Variants in ZFP42 observed in about 807,000 individuals in gnomAD.
ZFP42 encodes the protein zinc finger protein 42 homolog.
For synonymous variants in ZFP42, 175 were observed against 144.6 expected, an observed-to-expected ratio of 1.21 and a Z score of -1.51; for missense variants, 438 against 377.1, an observed-to-expected ratio of 1.16 and a Z score of -1.34.
At chr4:187,999,340 G>C (rs1041257341) in intron 2 of ZFP42, 67 bp downstream of exon 2, 3 of 151,840 alleles carry the variant, frequency 2.0e-5, no homozygotes, top group Non-Finnish European at 2.9e-5. Context: ...CCGTTTTGCC[G>C]AGGCTGGTCA....
chr4:188,000,853 G>C (rs975711525), intron 3 of ZFP42, among the ~76,000 whole-genome samples: 1 of 148,486 alleles, frequency 6.7e-6, no homozygotes, highest in Admixed American at 6.7e-5. Flanking sequence ...GTGTGGTGGC[G>C]GGGCGGGGGG....
Position 188,002,713 on chromosome 4 carries a change from G to A in ZFP42, c.-95G>A. 1.0e-6 allele frequency: 1 copy of A among 974,800 alleles called. No homozygotes were observed. Among genetic ancestry groups the A allele is most frequent in the Non-Finnish European group, 1.6e-6 (1 of 638,212 alleles). 60.4% of individuals were successfully genotyped at this position (974,800 alleles called of 1,614,324 possible). A position where few individuals can be genotyped will look rare whatever the true frequency, so the allele number is the denominator to read the frequency against. On this transcript the variant is annotated splice_region_variant and 5_prime_UTR_variant, in exon 4 of 4. In the 5' UTR this introduces an upstream ATG that the reference lacks. Coordinates refer to ENST00000326866, the MANE Select transcript of ZFP42 (RefSeq NM_174900.5). ...ACTAAAGGTTATTATCATAAAGCAG[G>A]TGTTTGCTGAAGACAGCTTACTCAG...
chr4:187,997,238 T>TTTTTC, intron 1 of ZFP42, among the ~76,000 whole-genome samples: 1 of 125,324 alleles, frequency 8.0e-6, no homozygotes, highest in South Asian at 3.0e-4. Flanking sequence ...CTTTTTTTTT[T>TTTTTC]TTTTTTTTTT....
At chr4:187,998,005 C>T (rs1040849256) in intron 1 of ZFP42, among the ~76,000 whole-genome samples, 18 of 152,126 alleles carry the variant, frequency 1.2e-4, no homozygotes, top group Non-Finnish European at 5.9e-5. Flanking sequence ...AGTGTTATTA[C>T]AAAAGAGTCA....
intron 3 of ZFP42, among the ~76,000 whole-genome samples, chr4:188,001,412 A>T (rs183479582): frequency 3.3e-4 from 50 of 152,294 alleles, no homozygotes; most frequent in African/African-American, 8.7e-4. Context: ...AAATGATAGG[A>T]AAGTCTTCAG....
intron 3 of ZFP42, 82 bp from the exon 4 acceptor site, chr4:188,002,631 G>A (rs954152115): frequency 4.9e-6 from 3 of 613,170 alleles, no homozygotes; most frequent in African/African-American, 3.7e-5. Context: ...ATGTATTATT[G>A]GAAAATGTGT....
intron 3 of ZFP42, among the ~76,000 whole-genome samples, chr4:188,002,222 C>T (rs988074435): frequency 1.3e-5 from 2 of 152,162 alleles, no homozygotes; most frequent in African/African-American, 2.4e-5. Context: ...GCTCCCTCAC[C>T]GCCTTCAGGC....
At position 187,998,328 on chromosome 4, in the gene ZFP42, C is replaced by G. The variant is rs1014265516; in HGVS notation, c.-338-780C>G. 6.1e-5 allele frequency among the ~76,000 whole-genome samples: 9 copies of G among 147,886 alleles called. No individual in the cohort carries two copies. The Admixed American group carries it at 6.2e-4, about 10-fold the overall frequency. ...TCCAGCCTGGGCAACAAGAGGGAAA[C>G]TCTGTCTCAAAAAAAAAAGTAAATA... is the stretch of plus-strand genomic sequence containing the variant. On this transcript the variant is annotated intron_variant, in intron 1 of 3. Transcript: ENST00000326866.
At chr4:188,000,720 G>A (rs1013178533) in intron 3 of ZFP42, among the ~76,000 whole-genome samples, 1 of 152,160 alleles carries the variant, frequency 6.6e-6, no homozygotes, top group African/African-American at 2.4e-5. Context: ...AGTGGCTCAC[G>A]CCTGTAATCC....
chr4:188,000,070 T>C (rs1464119729), intron 3 of ZFP42, among the ~76,000 whole-genome samples: 6 of 152,210 alleles, frequency 3.9e-5, no homozygotes, highest in Non-Finnish European at 7.3e-5. Context: ...AGAAGTATTA[T>C]GGACATCAGA....
In ZFP42 at chr4:187,997,000, A is replaced by G. The variant is rs367712258; in HGVS notation, c.-339+1160A>G. ...GCCATAGCTGTAGGGAGCATGGAGC[A>G]TGGAGCGTGGAGCGTGGAGCATGGA... On this transcript the variant is annotated intron_variant, in intron 1 of 3. Coordinates refer to ENST00000326866, the MANE Select transcript of ZFP42 (RefSeq NM_174900.5). Among the ~76,000 whole-genome samples the G allele has an allele frequency of 6.9e-3, 608 of 88,238 alleles. 15 individuals carry two copies. The highest frequency in any genetic ancestry group is 0.014 in the African/African-American group (394 of 27,936). The allele number at this position is 88,238 out of a possible 152,430, so 57.9% of individuals were successfully genotyped here. A position where few individuals can be genotyped will look rare whatever the true frequency, so the allele number is the denominator to read the frequency against.
chr4:188,002,658 A>G (rs1733874008), intron 3 of ZFP42, 55 bp from the exon 4 acceptor site: 1 of 672,690 alleles, frequency 1.5e-6, no homozygotes, highest in African/African-American at 1.8e-5. Context: ...TCATTTTTTG[A>G]CAGTGGCTCT....
Position 188,004,988 on chromosome 4 carries a change from AAT to A in ZFP42, c.*1249_*1250del, listed in dbSNP as rs1430152415. The A allele has an allele frequency of 6.0e-6, 1 of 167,104 alleles. No homozygotes were observed. Among genetic ancestry groups the A allele is most frequent in the Admixed American group, 6.5e-5 (1 of 15,282 alleles). 10.4% of individuals were successfully genotyped at this position (167,104 alleles called of 1,614,324 possible). On this transcript the variant is annotated 3_prime_UTR_variant, in exon 4 of 4. Coordinates refer to ENST00000326866, the MANE Select transcript of ZFP42 (RefSeq NM_174900.5). ...ATATGGTTAGATGTGATTATTTGAT[AAT>A]GTTAGTCCATTTGAATCCATTTTAG...
Position 187,999,179 on chromosome 4 carries a change from C to CA in ZFP42, c.-266dup, listed in dbSNP as rs1410673757. The CA allele has an allele frequency of 1.3e-5, 2 of 152,342 alleles. No homozygotes were observed. Among genetic ancestry groups the CA allele is most frequent in the African/African-American group, 4.8e-5 (2 of 41,438 alleles). 9.4% of individuals were successfully genotyped at this position (152,342 alleles called of 1,614,324 possible). On this transcript the variant is annotated 5_prime_UTR_variant, in exon 2 of 4. Coordinates refer to ENST00000326866, the MANE Select transcript of ZFP42 (RefSeq NM_174900.5). ...CCAGGCTCCAGCGATCCTCCCACCT[C>CA]AGCCTCCTGAATAGCTGACCACCAG... is the stretch of plus-strand genomic sequence containing the variant.
chr4:188,003,062 C>A lies in ZFP42; in HGVS notation c.255C>A (p.Ile85=). The change falls in exon 4 of 4, where the codon ATC becomes ATA. Residue 85 remains isoleucine (I), a synonymous_variant. Transcript: ENST00000326866. ...TAAGGGGTGAGTTTTCTCAACCCAT[C>A]CTGGAAGAGGACTCACTTTTTGAGT... The part of the protein sequence containing the change: ...CVIRGEFSQP[I]LEEDSLFESL... 1.1e-5 allele frequency: 18 copies of A among 1,614,104 alleles called. No homozygotes were observed. Among genetic ancestry groups the A allele is most frequent in the Non-Finnish European group, 1.4e-5 (17 of 1,180,024 alleles).
At chr4:187,998,435 T>C (rs759177539) in intron 1 of ZFP42, among the ~76,000 whole-genome samples, 2 of 152,168 alleles carry the variant, frequency 1.3e-5, no homozygotes, top group African/African-American at 2.4e-5. Flanking sequence ...AGTTCTAAAA[T>C]TTGCCTAAGT....
chr4:188,001,331 C>G (rs1045114354), intron 3 of ZFP42, among the ~76,000 whole-genome samples: 2 of 152,024 alleles, frequency 1.3e-5, no homozygotes, highest in African/African-American at 2.4e-5. Flanking sequence ...AAGTAAGAGA[C>G]TTTTATAGTC....
At position 187,996,993 on chromosome 4, in the gene ZFP42, A is replaced by ATGGAGCG. The variant is rs759475900; in HGVS notation, c.-339+1159_-339+1160insGTGGAGC. ...CCTGCCCGCCATAGCTGTAGGGAGC[A>ATGGAGCG]TGGAGCATGGAGCGTGGAGCGTGGA... On this transcript the variant is annotated intron_variant, in intron 1 of 3. Coordinates refer to ENST00000326866, the MANE Select transcript of ZFP42 (RefSeq NM_174900.5). Among the ~76,000 whole-genome samples the ATGGAGCG allele has an allele frequency of 5.4e-5, 6 of 110,688 alleles. No individual in the cohort carries two copies. The South Asian group carries it at 1.0e-3, about 19-fold the overall frequency. 72.6% of individuals were successfully genotyped at this position (110,688 alleles called of 152,430 possible). A position where few individuals can be genotyped will look rare whatever the true frequency, so the allele number is the denominator to read the frequency against.
intron 3 of ZFP42, among the ~76,000 whole-genome samples, chr4:188,001,896 G>A (rs1733837129): frequency 6.6e-6 from 1 of 152,158 alleles, no homozygotes; most frequent in Non-Finnish European, 1.5e-5. Flanking sequence ...GAAAACAATA[G>A]GGCCAGGCAT....
Sources: gnomAD v4.1 joint callset for allele counts (sites outside exome capture counted in the v4.1 genomes callset) on GRCh38, gnomAD v4.1.1 for gene constraint, MANE v1.5 for transcripts, NCBI Gene and HGNC (gene_info 2026-07-23, HGNC 2026-07-21) for gene names.